The following CALN1 variants were observed in gnomAD, a reference collection of about 807,000 sequenced individuals.
CALN1 encodes the protein calneuron 1, also known as calcium-binding protein 8.
CALN1 carries 17 observed loss-of-function variants against 30.6 expected under a neutral mutation model. The observed-to-expected ratio is 0.56, with a 90% CI of 0.38 to 0.83. The LOEUF (loss-of-function observed/expected upper bound fraction) is 0.83, where lower values mean the gene tolerates loss of function less well. Among genes scored for constraint, CALN1 ranks in the 40% least tolerant of loss-of-function variants. The pLI, the probability that CALN1 is intolerant of heterozygous loss-of-function variation, is 0.00. For missense variants in CALN1, 291 were observed against 354.9 expected, an observed-to-expected ratio of 0.82 and a Z score of 1.45; for synonymous variants, 156 against 131.4, an observed-to-expected ratio of 1.19 and a Z score of -1.28.
intron 4 of CALN1, among the ~76,000 whole-genome samples, chr7:72,097,133 G>A (rs1806290051): frequency 6.6e-6 from 1 of 152,186 alleles, no homozygotes; most frequent in Admixed American, 6.5e-5. Flanking sequence ...CACAGGAAGG[G>A]GAATATCACA....
upstream of CALN1, among the ~76,000 whole-genome samples, chr7:72,447,935 TAC>T (rs963820638): frequency 8.1e-5 from 12 of 147,252 alleles, no homozygotes; most frequent in Non-Finnish European, 1.5e-5. Context: ...CTTGCCCATG[TAC>T]ACACACAGAC....
chr7:72,351,051 G>C (rs559816328), intron 2 of CALN1, among the ~76,000 whole-genome samples: 1 of 152,268 alleles, frequency 6.6e-6, no homozygotes, highest in South Asian at 2.1e-4. Flanking sequence ...TGAAGCAGGA[G>C]AATCACTGGA....
chr7:71,906,520 C>T (rs911991446), intron 5 of CALN1, among the ~76,000 whole-genome samples: 1 of 152,116 alleles, frequency 6.6e-6, no homozygotes, highest in African/African-American at 2.4e-5. Flanking sequence ...AGGCAGAAAG[C>T]TTGGACGGGC....
chr7:72,425,120 G>A (rs542005644), intron 1 of CALN1, among the ~76,000 whole-genome samples: 5 of 152,128 alleles, frequency 3.3e-5, no homozygotes, highest in African/African-American at 9.6e-5. Context: ...AGGGCTGGGG[G>A]GTTGTTTTTT....
chr7:71,983,955 GA>G (rs1341098051), intron 5 of CALN1, among the ~76,000 whole-genome samples: 1 of 151,750 alleles, frequency 6.6e-6, no homozygotes, highest in Non-Finnish European at 1.5e-5. Flanking sequence ...AATTATGATC[GA>G]AAAAAACAGA....
chr7:72,159,103 C>G (rs1787922101), intron 3 of CALN1, among the ~76,000 whole-genome samples: 1 of 152,098 alleles, frequency 6.6e-6, no homozygotes, highest in Non-Finnish European at 1.5e-5. Context: ...CCACCCACCT[C>G]AACCTCTCAA....
At chr7:72,086,017 A>C (rs1051060690) in intron 4 of CALN1, among the ~76,000 whole-genome samples, 2 of 152,188 alleles carry the variant, frequency 1.3e-5, no homozygotes, top group African/African-American at 4.8e-5. Context: ...AAAGAGATAA[A>C]AAAATATATA....
At chr7:72,084,430 C>G (rs1471423139) in intron 4 of CALN1, among the ~76,000 whole-genome samples, 1 of 149,740 alleles carries the variant, frequency 6.7e-6, no homozygotes, top group East Asian at 2.0e-4. Context: ...GATCTTGGCT[C>G]ACACTGCAAC....
At chr7:72,229,124 C>T (rs1281279633) in intron 3 of CALN1, among the ~76,000 whole-genome samples, 4 of 151,648 alleles carry the variant, frequency 2.6e-5, no homozygotes, top group Admixed American at 6.6e-5. Context: ...AAGGGAAAAA[C>T]GAACATGGAA....
At chr7:72,229,923 A>G (rs1458095048) in intron 3 of CALN1, among the ~76,000 whole-genome samples, 3 of 151,922 alleles carry the variant, frequency 2.0e-5, no homozygotes, top group Non-Finnish European at 2.9e-5. Flanking sequence ...CGCGCGGATC[A>G]TGAGGTCAGG....
intron 2 of CALN1, among the ~76,000 whole-genome samples, chr7:72,354,143 T>C (rs1349629451): frequency 6.6e-6 from 1 of 152,134 alleles, no homozygotes; most frequent in Non-Finnish European, 1.5e-5. Flanking sequence ...AACGAAATTG[T>C]GCCACTGCAC....
chr7:72,045,624 G>C, intron 4 of CALN1, among the ~76,000 whole-genome samples: 1 of 152,194 alleles, frequency 6.6e-6, no homozygotes, highest in Middle Eastern at 3.4e-3. Flanking sequence ...CAATTCCAAG[G>C]CTAAGGCAAT....
At chr7:72,268,225 C>A (rs1796721746) in intron 3 of CALN1, among the ~76,000 whole-genome samples, 1 of 151,852 alleles carries the variant, frequency 6.6e-6, no homozygotes, top group African/African-American at 2.4e-5. Flanking sequence ...CCCAGGCAGA[C>A]AAAGAATATG....
chr7:72,062,452 C>T (rs769337519), intron 4 of CALN1, among the ~76,000 whole-genome samples: 8 of 138,998 alleles, frequency 5.8e-5, no homozygotes, highest in Non-Finnish European at 4.5e-5. Context: ...GTGGAGGTTG[C>T]AGTGAGCCAA....
chr7:71,900,887 A>G (rs950792128), intron 5 of CALN1, among the ~76,000 whole-genome samples: 4 of 152,232 alleles, frequency 2.6e-5, no homozygotes, highest in Non-Finnish European at 5.9e-5. Context: ...TAGCATGTAC[A>G]GTAACTGTGC....
At chr7:72,462,586 C>T in the CALN1 span, among the ~76,000 whole-genome samples, 3 of 152,156 alleles carry the variant, frequency 2.0e-5, no homozygotes, top group South Asian at 4.1e-4. Flanking sequence ...TCGAGGAGGT[C>T]GCAGTCCAAA....
At chr7:72,338,585 T>C (rs1802235554) in intron 2 of CALN1, among the ~76,000 whole-genome samples, 2 of 150,348 alleles carry the variant, frequency 1.3e-5, no homozygotes, top group African/African-American at 2.4e-5. Context: ...GCCACGCCTT[T>C]AGCATTTAGC....
intron 5 of CALN1, among the ~76,000 whole-genome samples, chr7:71,892,911 A>AT (rs1267754036): frequency 6.6e-6 from 1 of 151,850 alleles, no homozygotes; most frequent in African/African-American, 2.4e-5. Context: ...AGACAAACTT[A>AT]TTTTTGTCTG....
intron 6 of CALN1, among the ~76,000 whole-genome samples, chr7:71,807,849 G>A (rs547565891): frequency 3.0e-4 from 46 of 152,310 alleles, no homozygotes; most frequent in South Asian, 1.0e-3. Context: ...GCCGAGGTGG[G>A]CGGATTACGA....
Sources: allele counts gnomAD v4.1 joint callset (sites outside exome capture counted in the v4.1 genomes callset), GRCh38; gene constraint gnomAD v4.1.1; transcripts MANE v1.5; gene names NCBI Gene and HGNC (gene_info 2026-07-23, HGNC 2026-07-21).